TNS3: variants seen among roughly 807,000 people sequenced by gnomAD.
TNS3 encodes tensin 3.
Under a neutral mutation model 140.9 loss-of-function variants are expected in TNS3, and 45 were observed. The ratio of observed to expected loss-of-function variants is 0.32; its 90% CI spans 0.25 to 0.41. The LOEUF (loss-of-function observed/expected upper bound fraction) is 0.41, where lower values mean the gene tolerates loss of function less well. Among genes scored for constraint, TNS3 ranks in the 10% least tolerant of loss-of-function variants. The pLI is 1.00. For missense variants in TNS3, 1,716 were observed against 1,906.7 expected (o/e 0.90, Z 1.86); for synonymous variants, 815 against 788.4 (o/e 1.03, Z -0.56).
At position 47,446,174 on chromosome 7, in the gene TNS3, C is replaced by T. The variant is rs889587459; in HGVS notation, c.-75-4119G>A. 4.0e-5 allele frequency among the ~76,000 whole-genome samples: 6 copies of T among 151,440 alleles called. No individual in the cohort carries two copies. The East Asian group carries it at 5.9e-4, about 15-fold the overall frequency. On this transcript the variant is annotated intron_variant, in intron 4 of 30. Transcript: ENST00000311160. Reference sequence around the variant, plus strand: ...TTGCACAGGCTGGAGTGCAGTGGCACGATCTCAGCTCACTGCAAGCTCCAC... The same window carrying T: ...TTGCACAGGCTGGAGTGCAGTGGCATGATCTCAGCTCACTGCAAGCTCCAC...
intron 3 of TNS3, among the ~76,000 whole-genome samples, chr7:47,496,801 C>T (rs1031316897): frequency 6.6e-5 from 10 of 152,224 alleles, no homozygotes; most frequent in Non-Finnish European, 1.5e-4. Flanking sequence ...CTGCCCTAGG[C>T]CCAGATACCC....
intron 30 of TNS3, chr7:47,279,263 T>A (rs1489856714): frequency 6.6e-6 from 1 of 152,220 alleles, no homozygotes; most frequent in African/African-American, 2.4e-5. Context: ...GAAACCAGGC[T>A]GGGGGGATAC....
chr7:47,284,413 ACCTGTGTCCTGGCTCC>A (rs1230217863), intron 27 of TNS3, among the ~76,000 whole-genome samples: 1 of 152,172 alleles, frequency 6.6e-6, no homozygotes, highest in Non-Finnish European at 1.5e-5. Context: ...GCCCGGCCTC[ACCTGTGTCCTGGCTCC>A]CCATGCTGCC....
chr7:47,520,120 C>T (rs1364786181), intron 2 of TNS3, among the ~76,000 whole-genome samples: 2 of 151,888 alleles, frequency 1.3e-5, no homozygotes, highest in Non-Finnish European at 2.9e-5. Context: ...CCACCATGCC[C>T]GGCCGCTCCT....
rs1225346543 is a variant in TNS3, at chr7:47,413,864, A to C, written c.647+73T>G. 1.9e-6 allele frequency: 3 copies of C among 1,573,984 alleles called. No individual in the cohort carries two copies. The African/African-American group carries it at 4.1e-5, about 21-fold the overall frequency. On this transcript the variant is annotated intron_variant, in intron 12 of 30. Transcript: ENST00000311160. ...CCCACACTCTTCCTGCGGGACAGGC[A>C]GCTGAGGGTCAGCTGCAGTTCCCTG...
intron 2 of TNS3, among the ~76,000 whole-genome samples, chr7:47,524,569 G>A (rs963589613): frequency 7.9e-5 from 12 of 151,678 alleles, no homozygotes; most frequent in Non-Finnish European, 1.2e-4. Flanking sequence ...TTGGGAGGCC[G>A]AGGCGGGTGG....
At chr7:47,288,864 C>G (rs558828020) in intron 27 of TNS3, among the ~76,000 whole-genome samples, 1 of 152,336 alleles carries the variant, frequency 6.6e-6, no homozygotes, top group South Asian at 2.1e-4. Flanking sequence ...ATACAAACCT[C>G]AGGTCCGCAT....
chr7:47,368,579 G>A lies in TNS3; in HGVS notation c.2067C>T (p.Gly689=), dbSNP rs756799835. 6.4e-7 allele frequency: 1 copy of A among 1,570,572 alleles called. No individual in the cohort carries two copies. The highest frequency in any genetic ancestry group is 8.7e-7 in the Non-Finnish European group (1 of 1,155,440). The change falls in exon 17 of 31, where the codon GGC becomes GGT. Residue 689 remains glycine (G), a synonymous_variant. Coordinates refer to ENST00000311160, the MANE Select transcript of TNS3 (RefSeq NM_022748.12). ...ACTGGTCGATGTCCAGGGTGGGCGA[G>A]CCTGGGGAGGGGCCTGTGCTCAGCT... The part of the protein sequence containing the change: ...GPELSTGPSP[G]SPTLDIDQSI...
At chr7:47,530,823 C>CAAAA (rs781707373) in intron 1 of TNS3, among the ~76,000 whole-genome samples, 6 of 45,010 alleles carry the variant, frequency 1.3e-4, no homozygotes, top group Admixed American at 7.2e-4. Context: ...AACTCCATCT[C>CAAAA]AAAAAAAAAA....
chr7:47,312,916 G>A (rs1787187725), intron 20 of TNS3, among the ~76,000 whole-genome samples: 1 of 152,092 alleles, frequency 6.6e-6, no homozygotes, highest in Non-Finnish European at 1.5e-5. Context: ...AAAATAAAAT[G>A]TCTTTGCTGG....
chr7:47,562,217 C>A (rs1385768842), intron 1 of TNS3, among the ~76,000 whole-genome samples: 1 of 152,162 alleles, frequency 6.6e-6, no homozygotes, highest in African/African-American at 2.4e-5. Context: ...ACCCGGAGAT[C>A]ATTCTGGAAA....
chr7:47,366,740 C>T (rs1006267322), intron 17 of TNS3, among the ~76,000 whole-genome samples: 1 of 152,000 alleles, frequency 6.6e-6, no homozygotes, highest in African/African-American at 2.4e-5. Flanking sequence ...TGAACCTGGG[C>T]AGGCCACATA....
intron 1 of TNS3, among the ~76,000 whole-genome samples, chr7:47,569,147 T>C (rs1167325446): frequency 1.3e-5 from 2 of 152,234 alleles, no homozygotes; most frequent in African/African-American, 4.8e-5. Context: ...GAACACGATC[T>C]GGGGGTCTCA....
chr7:47,309,181 A>T (rs1284414584), intron 20 of TNS3, among the ~76,000 whole-genome samples: 1 of 152,204 alleles, frequency 6.6e-6, no homozygotes, highest in Admixed American at 6.5e-5. Flanking sequence ...ATTATTTCAT[A>T]TAGTTTGTCC....
chr7:47,439,703 G>A, intron 5 of TNS3, 45 bp from the exon 6 acceptor site: 1 of 1,594,910 alleles, frequency 6.3e-7, no homozygotes, highest in South Asian at 1.1e-5. Flanking sequence ...TAAGGAGGCA[G>A]CAGACATTCA....
At chr7:47,286,731 T>A (rs1279208288) in intron 27 of TNS3, among the ~76,000 whole-genome samples, 2 of 152,200 alleles carry the variant, frequency 1.3e-5, no homozygotes, top group African/African-American at 4.8e-5. Context: ...CTAAGCATTG[T>A]CTGTGGTATT....
chr7:47,332,020 T>A (rs1788370849), intron 20 of TNS3, among the ~76,000 whole-genome samples: 1 of 152,248 alleles, frequency 6.6e-6, no homozygotes. Context: ...ATATTCCTTC[T>A]TCAGCCCTCT....
intron 4 of TNS3, among the ~76,000 whole-genome samples, chr7:47,454,084 G>A (rs994877382): frequency 6.6e-6 from 1 of 152,250 alleles, no homozygotes; most frequent in Non-Finnish European, 1.5e-5. Context: ...GGGGAGGTGG[G>A]GAGGGCCTCA....
chr7:47,295,838 C>T (rs1202903857), intron 24 of TNS3, among the ~76,000 whole-genome samples: 4 of 152,142 alleles, frequency 2.6e-5, no homozygotes, highest in Admixed American at 6.5e-5. Flanking sequence ...AACTCCAAGG[C>T]GATTTTCTCC....
Sources: gnomAD v4.1 joint callset for allele counts (sites outside exome capture counted in the v4.1 genomes callset) on GRCh38, gnomAD v4.1.1 for gene constraint, MANE v1.5 for transcripts, NCBI Gene and HGNC (gene_info 2026-07-23, HGNC 2026-07-21) for gene names.